Variants in NKIRAS1 observed in about 807,000 individuals in gnomAD.
The protein encoded by NKIRAS1 is NFKB inhibitor interacting Ras like 1, also known as NF-kappa-B inhibitor-interacting Ras-like protein 1.
In NKIRAS1, 16 loss-of-function variants were observed where a neutral mutation model predicts 19.8. The observed-to-expected ratio is 0.81, with a 90% CI of 0.55 to 1.23. The LOEUF (loss-of-function observed/expected upper bound fraction) is 1.23, where lower values mean the gene tolerates loss of function less well. Among genes scored for constraint, NKIRAS1 ranks in the 50% most tolerant of loss-of-function variants. The pLI is 0.00. For synonymous variants in NKIRAS1, 88 were observed against 79.0 expected, an observed-to-expected ratio of 1.11 and a Z score of -0.61; for missense variants, 184 against 220.0, an observed-to-expected ratio of 0.84 and a Z score of 1.04.
At chr3:23,920,117 TG>T, upstream of NKIRAS1, 1 of 985,858 alleles carries the variant, frequency 1.0e-6, no homozygotes, top group Non-Finnish European at 1.2e-6. Context: ...GCCTTAAGAT[TG>T]GTAAGCTAGC....
At chr3:23,946,180 C>A (rs1223028669) in intron 1 of NKIRAS1, 103 of 985,170 alleles carry the variant, frequency 1.0e-4, no homozygotes, top group Non-Finnish European at 1.2e-4. Flanking sequence ...GCCCGCTGAG[C>A]CCCCGCGGCG....
intron 1 of NKIRAS1, among the ~76,000 whole-genome samples, chr3:23,929,099 T>A (rs1705262998): frequency 6.6e-6 from 1 of 151,164 alleles, no homozygotes; most frequent in Non-Finnish European, 1.5e-5. Context: ...TGGTGGCTCA[T>A]GCCTGTAATC....
intron 1 of NKIRAS1, 94 bp from the exon 2 acceptor site, chr3:23,911,544 A>G (rs1009981674): frequency 5.9e-5 from 9 of 152,520 alleles, no homozygotes; most frequent in African/African-American, 1.9e-4. Flanking sequence ...GAATATTTCA[A>G]TACTGATTAA....
chr3:23,937,107 G>C (rs1705407598), intron 1 of NKIRAS1, among the ~76,000 whole-genome samples: 1 of 152,146 alleles, frequency 6.6e-6, no homozygotes, highest in Admixed American at 6.5e-5. Flanking sequence ...AAATTTAGGA[G>C]AGGCCTGGGG....
chr3:23,937,306 G>A (rs6763241), intron 1 of NKIRAS1, among the ~76,000 whole-genome samples: 96,912 of 151,244 alleles, frequency 0.64, 31,256 homozygotes, highest in Middle Eastern at 0.73. Flanking sequence ...GGGAGGAGGA[G>A]AGATGGAGGG....
Position 23,944,080 on chromosome 3 carries a change from C to T in NKIRAS1, c.-140+2243G>A, listed in dbSNP as rs548883060. Among the ~76,000 whole-genome samples, 100 of 152,242 alleles carry T rather than the reference C, an allele frequency of 6.6e-4. 1 individual carries two copies. The highest frequency in any genetic ancestry group is 2.4e-3 in the African/African-American group (98 of 41,528). On this transcript the variant is annotated intron_variant, in intron 1 of 4. Coordinates refer to the NKIRAS1 transcript ENST00000421515. ...GAGATAATGGTTTGCTCTAGCAATA[C>T]CAACGGTGAGAAACAGGGATTGAAC...
At chr3:23,917,178 G>A (rs982949580), upstream of NKIRAS1, 2 of 152,928 alleles carry the variant, frequency 1.3e-5, 1 homozygote, top group Non-Finnish European at 2.9e-5. Flanking sequence ...CATCAGGTAG[G>A]CTGCGTTGAG....
rs1701390092 is a variant in NKIRAS1 at position 23,890,676 on chromosome 3, C to A, written c.*2419G>T. On this transcript the variant is annotated 3_prime_UTR_variant, in exon 5 of 5. Transcript: ENST00000425478. ...GAGCTGCTTATGATTTTGAAGGGGT[C>A]AGGGAGGGTGGGAGTTGGTAAAGAG... 5.4e-5 allele frequency: 62 copies of A among 1,144,466 alleles called. No homozygotes were observed. Among genetic ancestry groups the A allele is most frequent in the Non-Finnish European group, 7.1e-5 (56 of 787,194 alleles). 70.9% of individuals were successfully genotyped at this position (1,144,466 alleles called of 1,614,324 possible).
chr3:23,930,711 T>C (rs1353803167), intron 1 of NKIRAS1, among the ~76,000 whole-genome samples: 1 of 152,192 alleles, frequency 6.6e-6, no homozygotes, highest in Non-Finnish European at 1.5e-5. Flanking sequence ...TTCATTTTTT[T>C]ATTTTCTGAG....
intron 4 of NKIRAS1, 70 bp from the exon 5 acceptor site, chr3:23,893,407 CAT>C (rs1460668061): frequency 2.8e-6 from 4 of 1,404,242 alleles, no homozygotes; most frequent in Non-Finnish European, 3.9e-6. Context: ...AAAATGGAGA[CAT>C]AAGGAAAATT....
Position 23,892,929 on chromosome 3 carries a change from C to T in NKIRAS1, c.*166G>A, listed in dbSNP as rs1701582252. 1.9e-6 allele frequency: 1 copy of T among 534,688 alleles called. No homozygotes were observed. Among genetic ancestry groups the T allele is most frequent in the Admixed American group, 3.7e-5 (1 of 27,112 alleles). The allele number at this position is 534,688 out of a possible 1,614,324, so 33.1% of individuals were successfully genotyped here. On this transcript the variant is annotated 3_prime_UTR_variant, in exon 5 of 5. Transcript: ENST00000425478. ...CATATCAGGCAATAATAACCTTAGC[C>T]CAAATACTTTTAACATCTAAAGTGC...
intron 1 of NKIRAS1, chr3:23,945,119 G>A (rs1486427623): frequency 2.0e-5 from 3 of 147,412 alleles, no homozygotes; most frequent in Non-Finnish European, 4.5e-5. Context: ...TCGGCAAGGA[G>A]AAGGAAGGGG....
At chr3:23,929,337 T>C (rs1219443062) in intron 1 of NKIRAS1, among the ~76,000 whole-genome samples, 2 of 152,082 alleles carry the variant, frequency 1.3e-5, no homozygotes, top group Non-Finnish European at 2.9e-5. Flanking sequence ...GCATTCCAGC[T>C]TGGGCCACAG....
upstream of NKIRAS1, chr3:23,918,434 GT>G (rs1437576745): frequency 6.2e-7 from 1 of 1,611,722 alleles, no homozygotes; most frequent in Non-Finnish European, 8.5e-7. Flanking sequence ...GTGTGTTTGT[GT>G]GTAGGTTACG....
chr3:23,934,911 G>C (rs1396743095), intron 1 of NKIRAS1, among the ~76,000 whole-genome samples: 2 of 151,626 alleles, frequency 1.3e-5, no homozygotes, highest in African/African-American at 2.4e-5. Flanking sequence ...TTGCTTAAGA[G>C]ATCCATGCAA....
intron 3 of NKIRAS1, among the ~76,000 whole-genome samples, chr3:23,909,302 A>G (rs1483735800): frequency 3.9e-5 from 6 of 152,160 alleles, no homozygotes; most frequent in Admixed American, 3.9e-4. Flanking sequence ...CGGGGGGATC[A>G]CTTGAGGTCA....
chr3:23,896,643 AG>A (rs1702025194), intron 4 of NKIRAS1, among the ~76,000 whole-genome samples: 1 of 150,724 alleles, frequency 6.6e-6, no homozygotes, highest in Non-Finnish European at 1.5e-5. Flanking sequence ...CTATAGCCAC[AG>A]GATGAATATT....
chr3:23,891,176 GT>G lies in NKIRAS1; in HGVS notation c.*1918del, dbSNP rs1663759546. On this transcript the variant is annotated 3_prime_UTR_variant, in exon 5 of 5. Coordinates refer to ENST00000425478, the MANE Select transcript of NKIRAS1 (RefSeq NM_020345.4). ...TCTGAATCAGGACTTGTGAAAACCT[GT>G]AGTGAAATACCTTAAGCTGTTAACT... The G allele has an allele frequency of 6.6e-6, 1 of 152,478 alleles. No individual in the cohort carries two copies. Among genetic ancestry groups the G allele is most frequent in the Non-Finnish European group, 1.5e-5 (1 of 68,108 alleles). The allele number at this position is 152,478 out of a possible 1,614,324, so 9.4% of individuals were successfully genotyped here. A position where few individuals can be genotyped will look rare whatever the true frequency, so the allele number is the denominator to read the frequency against.
intron 3 of NKIRAS1, among the ~76,000 whole-genome samples, chr3:23,901,265 G>A (rs1334403942): frequency 3.4e-5 from 5 of 148,000 alleles, no homozygotes; most frequent in South Asian, 2.1e-4. Context: ...TACAACCTCC[G>A]CCACCTGGGC....
Sources: gnomAD v4.1 joint callset for allele counts (sites outside exome capture counted in the v4.1 genomes callset) on GRCh38, gnomAD v4.1.1 for gene constraint, MANE v1.5 for transcripts, NCBI Gene and HGNC (gene_info 2026-07-23, HGNC 2026-07-21) for gene names.